Variants in BIRC3 observed in about 807,000 individuals in gnomAD.
BIRC3 encodes the protein baculoviral IAP repeat-containing protein 3.
BIRC3 carries 26 observed loss-of-function variants against 59.0 expected under a neutral mutation model. The ratio of observed to expected loss-of-function variants is 0.44; its 90% CI spans 0.32 to 0.61. BIRC3 has a LOEUF of 0.61. BIRC3 is among the 20% of genes least tolerant of loss of function. The probability of loss-of-function intolerance (pLI) is 0.04; values close to 1 mark genes in which losing one functional copy is unlikely to be tolerated. For missense variants in BIRC3, 641 were observed against 711.5 expected (o/e 0.90, Z 1.13); for synonymous variants, 243 against 249.2 (o/e 0.98, Z 0.24).
Position 102,337,524 on chromosome 11 carries a change from T to C in BIRC3, c.*422T>C. 1 of 391,802 alleles carries C rather than the reference T, an allele frequency of 2.6e-6. No homozygotes were observed. Among genetic ancestry groups the C allele is most frequent in the Non-Finnish European group, 4.5e-6 (1 of 221,918 alleles). 24.3% of individuals were successfully genotyped at this position (391,802 alleles called of 1,614,324 possible). ...AAGAGAATTACTTGAGCCCAGGAGT[T>C]TGAATCCATCCTGGGCAGCATACTG... On this transcript the variant is annotated 3_prime_UTR_variant, in exon 9 of 9. Transcript: ENST00000263464.
At chr11:102,325,919 A>G (rs954233959) in intron 3 of BIRC3, among the ~76,000 whole-genome samples, 7 of 152,272 alleles carry the variant, frequency 4.6e-5, no homozygotes, top group African/African-American at 1.4e-4. Flanking sequence ...TTTAGTGAAC[A>G]TCCCTCCAGA....
chr11:102,320,416 T>G (rs1213110309), intron 1 of BIRC3: 1 of 152,178 alleles, frequency 6.6e-6, no homozygotes, highest in East Asian at 1.9e-4. Flanking sequence ...TGCCACCATG[T>G]CTGGCTAATT....
intron 1 of BIRC3, chr11:102,319,754 G>A (rs1050857504): frequency 4.6e-5 from 7 of 152,572 alleles, no homozygotes; most frequent in African/African-American, 1.4e-4. Context: ...GATGGCAGAG[G>A]AGTCTTAAGT....
Position 102,323,193 on chromosome 11 carries a change from G to A in BIRC3, c.-1317G>A, listed in dbSNP as rs1429079976. ...CTCTACAATGTTAGTTCTTTGAGGG[G>A]GACAAAAAATTTAAAATCTTTGAAA... On this transcript the variant is annotated 5_prime_UTR_variant, in exon 2 of 9. Transcript: ENST00000263464. 5.0e-6 allele frequency: 1 copy of A among 198,194 alleles called. No homozygotes were observed. The highest frequency in any genetic ancestry group is 7.9e-5 in the East Asian group (1 of 12,738). 12.3% of individuals were successfully genotyped at this position (198,194 alleles called of 1,614,324 possible). A position where few individuals can be genotyped will look rare whatever the true frequency, so the allele number is the denominator to read the frequency against.
chr11:102,326,577 T>A (rs1283339509), intron 3 of BIRC3, among the ~76,000 whole-genome samples: 1 of 152,276 alleles, frequency 6.6e-6, no homozygotes, highest in Non-Finnish European at 1.5e-5. Flanking sequence ...AAACTTTTGC[T>A]ATTATTCAAC....
intron 6 of BIRC3, among the ~76,000 whole-genome samples, chr11:102,332,524 C>T (rs1951153893): frequency 6.6e-6 from 1 of 152,132 alleles, no homozygotes; most frequent in Admixed American, 6.5e-5. Flanking sequence ...ATAATGTTTT[C>T]CTTTATCAAA....
chr11:102,333,506 G>A (rs1951165620), intron 6 of BIRC3, among the ~76,000 whole-genome samples: 1 of 151,584 alleles, frequency 6.6e-6, no homozygotes, highest in African/African-American at 2.4e-5. Context: ...GGTTGAGGCT[G>A]CAATGAGCTA....
chr11:102,328,700 G>A (rs1379443812), intron 4 of BIRC3, among the ~76,000 whole-genome samples, 197 bp from the exon 5 acceptor site: 2 of 151,990 alleles, frequency 1.3e-5, no homozygotes, highest in East Asian at 3.8e-4. Context: ...AACTCTATTA[G>A]TTTATGGCCT....
At chr11:102,332,718 A>G (rs1023219506) in intron 6 of BIRC3, among the ~76,000 whole-genome samples, 16 of 152,252 alleles carry the variant, frequency 1.1e-4, no homozygotes, top group African/African-American at 3.9e-4. Context: ...CAACCCAGAC[A>G]AACCTATCAG....
At chr11:102,335,533 C>G (rs1206540104) in intron 6 of BIRC3, among the ~76,000 whole-genome samples, 2 of 152,128 alleles carry the variant, frequency 1.3e-5, no homozygotes, top group African/African-American at 4.8e-5. Flanking sequence ...TTAAATGAGG[C>G]TATTAGGACC....
At chr11:102,329,079 T>C in intron 5 of BIRC3, 134 bp downstream of exon 5, 1 of 442,404 alleles carries the variant, frequency 2.3e-6, no homozygotes, top group Non-Finnish European at 3.7e-6. Flanking sequence ...ATATACTGTG[T>C]TGGTATTTCC....
intron 6 of BIRC3, among the ~76,000 whole-genome samples, chr11:102,334,608 T>G (rs1222746824): frequency 1.3e-5 from 2 of 152,232 alleles, no homozygotes; most frequent in African/African-American, 2.4e-5. Context: ...ATTCTTCAGA[T>G]AGCTCAGCCT....
intron 6 of BIRC3, among the ~76,000 whole-genome samples, chr11:102,333,134 A>T (rs113198532): frequency 3.9e-5 from 6 of 152,204 alleles, no homozygotes; most frequent in African/African-American, 1.2e-4. Context: ...ACTACCTAGT[A>T]TCGTGCCTGC....
At position 102,335,955 on chromosome 11, in the gene BIRC3, T is replaced by C; in HGVS notation, c.1325-11T>C. 6.3e-7 allele frequency: 1 copy of C among 1,599,104 alleles called. No homozygotes were observed. The highest frequency in any genetic ancestry group is 1.7e-5 in the Admixed American group (1 of 57,880). On this transcript the variant is annotated splice_polypyrimidine_tract_variant and intron_variant, in intron 6 of 8. Transcript: ENST00000263464. ...TTGAACATGTTTATGCTTGTTTTCT[T>C]TTTTATAAAGATGATTTATTATTAA...
chr11:102,325,408 T>C lies in BIRC3; in HGVS notation c.853+46T>C, dbSNP rs1213916894. 1.9e-6 allele frequency: 3 copies of C among 1,587,296 alleles called. No individual in the cohort carries two copies. The African/African-American group carries it at 4.1e-5, about 22-fold the overall frequency. On this transcript the variant is annotated intron_variant, in intron 2 of 8. Transcript: ENST00000263464. ...ATTAAAAAAAATATATTTCATTTTA[T>C]ACATTTTAGTGGGCAAATTATGTGT...
Position 102,325,201 on chromosome 11 carries a change from A to T in BIRC3, c.692A>T (p.Lys231Ile). The T allele has an allele frequency of 6.2e-7, 1 of 1,614,142 alleles. No individual in the cohort carries two copies. The highest frequency in any genetic ancestry group is 8.5e-7 in the Non-Finnish European group (1 of 1,180,008). ...AMSEHLRHFP[K>I]CPFIENQLQD... ...TCAGAACACCTGAGACATTTTCCCAAATGCCCATTTATAGAAAATCAGCTT... is the reference window on the plus strand; with the variant it reads ...TCAGAACACCTGAGACATTTTCCCATATGCCCATTTATAGAAAATCAGCTT... The change falls in exon 2 of 9, where the codon AAA (lysine) becomes ATA (isoleucine). Residue 231 changes from lysine (K) to isoleucine (I), a missense_variant. By Grantham distance (102) the Lys-to-Ile change is moderately radical. Around this residue, in one of 4 missense-constraint regions of BIRC3, gnomAD observed 329 missense variants for 365.6 expected, o/e 0.90. Coordinates refer to ENST00000263464, the MANE Select transcript of BIRC3 (RefSeq NM_001165.5).
At chr11:102,331,918 G>A (rs954664807) in intron 6 of BIRC3, among the ~76,000 whole-genome samples, 2 of 152,202 alleles carry the variant, frequency 1.3e-5, no homozygotes, top group Non-Finnish European at 2.9e-5. Context: ...TGGGATTACA[G>A]GCATGAGCCA....
intron 3 of BIRC3, among the ~76,000 whole-genome samples, chr11:102,327,047 T>G (rs1174642426): frequency 1.3e-5 from 2 of 152,160 alleles, no homozygotes; most frequent in African/African-American, 4.8e-5. Context: ...TTACTTGACC[T>G]CAGTAGACTG....
At position 102,323,432 on chromosome 11, in the gene BIRC3, T is replaced by C. The variant is rs1045705952; in HGVS notation, c.-1078T>C. On this transcript the variant is annotated 5_prime_UTR_variant, in exon 2 of 9. Coordinates refer to ENST00000263464, the MANE Select transcript of BIRC3 (RefSeq NM_001165.5). Reference sequence around the variant, plus strand: ...TTCCATGTTCTAGCCAAGTATACTATTAGAATAAAAAAACTTAACATTGAG... The same window carrying C: ...TTCCATGTTCTAGCCAAGTATACTACTAGAATAAAAAAACTTAACATTGAG... 2.1e-5 allele frequency: 4 copies of C among 189,234 alleles called. No individual in the cohort carries two copies. Among genetic ancestry groups the C allele is most frequent in the Non-Finnish European group, 4.4e-5 (4 of 90,090 alleles). The allele number at this position is 189,234 out of a possible 1,614,324, so 11.7% of individuals were successfully genotyped here. A position where few individuals can be genotyped will look rare whatever the true frequency, so the allele number is the denominator to read the frequency against.
Sources: gnomAD v4.1 joint callset for allele counts (sites outside exome capture counted in the v4.1 genomes callset) on GRCh38, gnomAD v4.1.1 for gene constraint, gnomAD v4.1.1 regional missense constraint, MANE v1.5 for transcripts, NCBI Gene and HGNC (gene_info 2026-07-23, HGNC 2026-07-21) for gene names.